Variants in CDK19 observed in about 807,000 individuals in gnomAD.
CDK19 encodes cyclin dependent kinase 19, also known as cyclin-dependent kinase 19.
In CDK19, 20 loss-of-function variants were observed where a neutral mutation model predicts 68.3. The ratio of observed to expected loss-of-function variants is 0.29; its 90% CI spans 0.21 to 0.43. The LOEUF is 0.43. CDK19 is among the 20% of genes least tolerant of loss of function. CDK19 has a pLI of 1.00. For synonymous variants in CDK19, 221 were observed against 222.8 expected (o/e 0.99, Z 0.07); for missense variants, 339 against 623.5 (o/e 0.54, Z 4.86).
chr6:110,658,206 C>T lies in CDK19; in HGVS notation c.456+9228G>A, dbSNP rs148836993. Among the ~76,000 whole-genome samples, 20 of 152,288 alleles carry T rather than the reference C, an allele frequency of 1.3e-4. No homozygotes were observed. The East Asian group carries it at 3.7e-3, about 28-fold the overall frequency. ...GCCTCCAGACTGCAGACATGAATGG[C>T]TAAGCCCTAGACTATCAAGGACTCA... On this transcript the variant is annotated intron_variant, in intron 4 of 12. Transcript: ENST00000368911.
intron 2 of CDK19, among the ~76,000 whole-genome samples, chr6:110,697,161 C>T (rs1048064272): frequency 3.3e-5 from 5 of 151,508 alleles, no homozygotes; most frequent in Non-Finnish European, 1.5e-5. Context: ...ACCCGGGAGG[C>T]GGAGGTTACA....
chr6:110,790,331 TC>T (rs1284183071), intron 1 of CDK19, among the ~76,000 whole-genome samples: 2 of 152,022 alleles, frequency 1.3e-5, no homozygotes, highest in Non-Finnish European at 2.9e-5. Flanking sequence ...AGGTCTGGAT[TC>T]AAGACCAGCC....
At chr6:110,795,390 G>C (rs1163589476) in intron 1 of CDK19, among the ~76,000 whole-genome samples, 4 of 152,228 alleles carry the variant, frequency 2.6e-5, no homozygotes, top group Admixed American at 1.3e-4. Flanking sequence ...GGAGCTAAGA[G>C]AGATGTAAAT....
chr6:110,790,689 T>A lies in CDK19; in HGVS notation c.128+24320A>T, dbSNP rs370306759. On this transcript the variant is annotated intron_variant, in intron 1 of 12. Coordinates refer to ENST00000368911, the MANE Select transcript of CDK19 (RefSeq NM_015076.5). ...AAATTAAAGTACATTTTGATTTACATACTCTTTCCTATCCCTCTACATATT... is the reference window on the plus strand; with the variant it reads ...AAATTAAAGTACATTTTGATTTACAAACTCTTTCCTATCCCTCTACATATT... Among the ~76,000 whole-genome samples the A allele has an allele frequency of 8.5e-5, 13 of 152,322 alleles. No individual in the cohort carries two copies. In the South Asian group the frequency reaches 2.7e-3, roughly 32 times the overall value.
At chr6:110,722,220 G>C (rs1447300421) in intron 2 of CDK19, 1 of 152,054 alleles carries the variant, frequency 6.6e-6, no homozygotes, top group African/African-American at 2.4e-5. Flanking sequence ...CCCTACACTT[G>C]TGGAGTTTTT....
At chr6:110,630,523 A>C (rs571745581) in intron 6 of CDK19, among the ~76,000 whole-genome samples, 91 of 152,358 alleles carry the variant, frequency 6.0e-4, no homozygotes, top group Middle Eastern at 3.4e-3. Context: ...TGATTCTAAA[A>C]GTCTCAAAAA....
chr6:110,788,848 T>C (rs1781413943), intron 1 of CDK19, among the ~76,000 whole-genome samples: 1 of 151,428 alleles, frequency 6.6e-6, no homozygotes, highest in South Asian at 2.1e-4. Flanking sequence ...GAACTGAACT[T>C]TTTTTTTCTA....
chr6:110,740,958 G>A (rs1471495565), intron 2 of CDK19, among the ~76,000 whole-genome samples: 1 of 151,948 alleles, frequency 6.6e-6, no homozygotes, highest in Non-Finnish European at 1.5e-5. Flanking sequence ...TTTCACCAGA[G>A]GGGCTCAACA....
chr6:110,746,779 G>A (rs1251223090), intron 1 of CDK19, among the ~76,000 whole-genome samples: 1 of 152,180 alleles, frequency 6.6e-6, no homozygotes, highest in Non-Finnish European at 1.5e-5. Flanking sequence ...GGAACACTAG[G>A]AGAAACCCAG....
At chr6:110,665,894 A>G (rs1396875393) in intron 4 of CDK19, among the ~76,000 whole-genome samples, 8 of 151,918 alleles carry the variant, frequency 5.3e-5, no homozygotes, top group East Asian at 2.0e-4. Context: ...ACAGGAGCAC[A>G]CCACGCCCAG....
rs1474825400 is a variant in CDK19, at chr6:110,701,420, CG to C, written c.205-30880del. Among the ~76,000 whole-genome samples, 5 of 150,248 alleles carry C rather than the reference CG, an allele frequency of 3.3e-5. No individual in the cohort carries two copies. The East Asian group carries it at 9.8e-4, about 30-fold the overall frequency. ...AAAAAAAATTAGCCGAGCATGGTGG[CG>C]GGCGCCAGTAGTTATAGCTACTTGG... is the stretch of plus-strand genomic sequence containing the variant. On this transcript the variant is annotated intron_variant, in intron 2 of 12. Transcript: ENST00000368911.
intron 1 of CDK19, among the ~76,000 whole-genome samples, chr6:110,802,523 C>T (rs1182937814): frequency 6.6e-6 from 1 of 152,032 alleles, no homozygotes; most frequent in East Asian, 1.9e-4. Context: ...CTGGGGACTC[C>T]AAAAGGGGAA....
At chr6:110,753,218 C>T (rs757120278) in intron 1 of CDK19, among the ~76,000 whole-genome samples, 1 of 152,078 alleles carries the variant, frequency 6.6e-6, no homozygotes, top group Non-Finnish European at 1.5e-5. Flanking sequence ...GCGTGAGCCA[C>T]CACACCTAGC....
intron 4 of CDK19, among the ~76,000 whole-genome samples, chr6:110,640,908 G>A (rs777275622): frequency 7.2e-5 from 11 of 152,192 alleles, no homozygotes; most frequent in Non-Finnish European, 1.3e-4. Flanking sequence ...AGTGAGCTGT[G>A]AGCGTGCCAT....
chr6:110,781,221 C>T (rs952930470), intron 1 of CDK19, among the ~76,000 whole-genome samples: 1 of 152,156 alleles, frequency 6.6e-6, no homozygotes, highest in South Asian at 2.1e-4. Context: ...CCTCAGGAAG[C>T]TTTCAATCAC....
intron 2 of CDK19, among the ~76,000 whole-genome samples, chr6:110,695,376 T>G (rs999900795): frequency 6.6e-6 from 1 of 152,152 alleles, no homozygotes; most frequent in African/African-American, 2.4e-5. Context: ...GGGACATTCA[T>G]AGCATTAAAT....
At chr6:110,741,731 G>A (rs573589094) in intron 2 of CDK19, among the ~76,000 whole-genome samples, 11 of 151,640 alleles carry the variant, frequency 7.3e-5, no homozygotes, top group East Asian at 1.9e-4. Flanking sequence ...CAGAAACCAC[G>A]AAGGCCAGAA....
intron 2 of CDK19, among the ~76,000 whole-genome samples, chr6:110,681,440 A>C (rs1772010537): frequency 6.6e-6 from 1 of 152,184 alleles, no homozygotes; most frequent in African/African-American, 2.4e-5. Context: ...TATTTTTTCT[A>C]TTTTACAAGT....
chr6:110,696,988 G>A (rs1773536170), intron 2 of CDK19, among the ~76,000 whole-genome samples: 1 of 151,956 alleles, frequency 6.6e-6, no homozygotes, highest in African/African-American at 2.4e-5. Flanking sequence ...GAATCCAGGA[G>A]GTGGAGGTTG....
Sources: allele counts gnomAD v4.1 joint callset (sites outside exome capture counted in the v4.1 genomes callset), GRCh38; gene constraint gnomAD v4.1.1; transcripts MANE v1.5; gene names NCBI Gene and HGNC (gene_info 2026-07-23, HGNC 2026-07-21).